Variants in LONRF1 observed in about 807,000 individuals in gnomAD.
LONRF1 encodes LON peptidase N-terminal domain and RING finger protein 1.
LONRF1 carries 37 observed loss-of-function variants against 85.8 expected under a neutral mutation model. That is an observed-to-expected ratio of 0.43 (90% CI 0.33 to 0.57). The LOEUF (loss-of-function observed/expected upper bound fraction) is 0.57. Ranked by LOEUF, LONRF1 falls within the 20% of genes least tolerant of loss-of-function variation. LONRF1 has a pLI of 0.04. For synonymous variants in LONRF1, 517 were observed against 390.1 expected, an observed-to-expected ratio of 1.33 and a Z score of -3.83; for missense variants, 1,036 against 978.0, an observed-to-expected ratio of 1.06 and a Z score of -0.79.
chr8:12,723,126 C>A lies in LONRF1; in HGVS notation c.2292G>T (p.Leu764=). 6.2e-7 allele frequency: 1 copy of A among 1,612,670 alleles called. No individual in the cohort carries two copies. Among genetic ancestry groups the A allele is most frequent in the South Asian group, 1.1e-5 (1 of 90,764 alleles). Residue 764 remains leucine (L), a synonymous_variant, in exon 12 of 12, where the codon CTG becomes CTT. Coordinates refer to ENST00000398246, the MANE Select transcript of LONRF1 (RefSeq NM_152271.5). ...TAGATTGGTCTCTAGAAAAATAGGT[C>A]AGTATATGCTGTATCTTGGTCAACC... ...KERLTKIQHI[L]TYFSRDQSK is the part of the protein sequence containing the mutation.
chr8:12,731,585 A>G (rs958848044), intron 8 of LONRF1, 151 bp downstream of exon 8: 8 of 612,420 alleles, frequency 1.3e-5, no homozygotes, highest in Non-Finnish European at 2.2e-5. Flanking sequence ...GTGAACTTTT[A>G]TAAGATTCTG....
At chr8:12,738,702 G>A (rs79570967) in intron 3 of LONRF1, 17 of 152,256 alleles carry the variant, frequency 1.1e-4, no homozygotes, top group African/African-American at 3.4e-4. Context: ...CTATAATAGC[G>A]AGGAAATAAG....
intron 7 of LONRF1, 62 bp from the exon 8 acceptor site, chr8:12,731,919 A>G: frequency 6.8e-7 from 1 of 1,466,954 alleles, no homozygotes; most frequent in Non-Finnish European, 9.4e-7. Flanking sequence ...AACAGGCAAC[A>G]CAGTTAACTG....
At position 12,737,034 on chromosome 8, in the gene LONRF1, C is replaced by G. The variant is rs976360283; in HGVS notation, c.1220G>C (p.Cys407Ser). 3.7e-6 allele frequency: 6 copies of G among 1,613,704 alleles called. No individual in the cohort carries two copies. Among genetic ancestry groups the G allele is most frequent in the Admixed American group, 1.7e-5 (1 of 59,992 alleles). ...AGGTTCTGAGGACACTCTTTTTAAACAGTCCTCTCTGGCAGGCATTTCTGT... is the reference window on the plus strand; with the variant it reads ...AGGTTCTGAGGACACTCTTTTTAAAGAGTCCTCTCTGGCAGGCATTTCTGT... ...NSTEMPARED[C>S]LKRVSSEPVL... is the part of the protein sequence containing the mutation. The change falls in exon 5 of 12, where the codon TGT becomes TCT. Residue 407 changes from cysteine to serine, a missense_variant. By Grantham distance (112) the Cys-to-Ser change is moderately radical (BLOSUM62 -1). Coordinates refer to ENST00000398246, the MANE Select transcript of LONRF1 (RefSeq NM_152271.5).
intron 11 of LONRF1, among the ~76,000 whole-genome samples, chr8:12,724,693 A>C (rs1806088019): frequency 6.6e-6 from 1 of 152,220 alleles, no homozygotes; most frequent in Non-Finnish European, 1.5e-5. Context: ...TTTTTCTATA[A>C]GCTGTTTTGT....
At chr8:12,741,023 CT>C in intron 2 of LONRF1, 27 bp from the exon 3 acceptor site, 7 of 1,607,004 alleles carry the variant, frequency 4.4e-6, no homozygotes, top group Non-Finnish European at 5.9e-6. Flanking sequence ...TATATAAAAC[CT>C]TTGTGTTAAG....
In LONRF1 at chr8:12,729,082, T is replaced by G; in HGVS notation, c.1848-19A>C. ...TGCAAAACTAAAAGAAAACCTTGAT[T>G]AGTAACAAAGTTGAAACATAAACAT... On this transcript the variant is annotated intron_variant, in intron 9 of 11. Transcript: ENST00000398246. 6.2e-7 allele frequency: 1 copy of G among 1,613,038 alleles called. No individual in the cohort carries two copies. Among genetic ancestry groups the G allele is most frequent in the Non-Finnish European group, 8.5e-7 (1 of 1,179,308 alleles).
intron 10 of LONRF1, 133 bp downstream of exon 10, chr8:12,728,768 G>A: frequency 2.1e-6 from 2 of 950,426 alleles, no homozygotes; most frequent in Non-Finnish European, 3.2e-6. Flanking sequence ...GTAACTTGGA[G>A]CACATTCTCA....
chr8:12,751,907 G>A (rs1359345098), intron 1 of LONRF1, among the ~76,000 whole-genome samples: 1 of 152,102 alleles, frequency 6.6e-6, no homozygotes, highest in Non-Finnish European at 1.5e-5. Flanking sequence ...TAAAAAGACA[G>A]AAAGTTATGA....
intron 11 of LONRF1, among the ~76,000 whole-genome samples, chr8:12,724,441 C>G (rs1335190085): frequency 6.6e-6 from 1 of 152,180 alleles, no homozygotes. Flanking sequence ...TGCAGGATCT[C>G]TGGTGGCAGA....
At chr8:12,739,356 A>C (rs888169155) in intron 3 of LONRF1, among the ~76,000 whole-genome samples, 8 of 151,742 alleles carry the variant, frequency 5.3e-5, no homozygotes, top group Admixed American at 1.3e-4. Context: ...AAAAAAAAAA[A>C]AAACAAACCC....
rs999137693 is a variant in LONRF1, at chr8:12,722,912, C to G, written c.*184G>C. Reference sequence around the variant, plus strand: ...CAATGCGTGTTTTTCTGTGCAAGTTCTTAGTGGTCTAAATCCTAGTTGAAG... The same window carrying G: ...CAATGCGTGTTTTTCTGTGCAAGTTGTTAGTGGTCTAAATCCTAGTTGAAG... On this transcript the variant is annotated 3_prime_UTR_variant, in exon 12 of 12. Coordinates refer to ENST00000398246, the MANE Select transcript of LONRF1 (RefSeq NM_152271.5). The G allele has an allele frequency of 2.3e-5, 13 of 553,602 alleles. No individual in the cohort carries two copies. The highest frequency in any genetic ancestry group is 2.3e-4 in the African/African-American group (12 of 53,088). 34.3% of individuals were successfully genotyped at this position (553,602 alleles called of 1,614,324 possible). A position where few individuals can be genotyped will look rare whatever the true frequency, so the allele number is the denominator to read the frequency against.
chr8:12,736,597 C>A, intron 6 of LONRF1, 104 bp downstream of exon 6: 1 of 760,298 alleles, frequency 1.3e-6, no homozygotes, highest in East Asian at 3.0e-5. Flanking sequence ...ATTTTTATTC[C>A]AGCATTGTGT....
intron 1 of LONRF1, among the ~76,000 whole-genome samples, chr8:12,750,151 A>C (rs1345031475): frequency 2.0e-5 from 3 of 152,226 alleles, no homozygotes; most frequent in Non-Finnish European, 2.9e-5. Context: ...TACATCTGTG[A>C]ATTAGGGATA....
intron 11 of LONRF1, among the ~76,000 whole-genome samples, chr8:12,723,876 G>A (rs916072905): frequency 6.6e-6 from 1 of 152,172 alleles, no homozygotes; most frequent in Non-Finnish European, 1.5e-5. Flanking sequence ...GTTCAAAAAA[G>A]AAACATATCT....
At chr8:12,730,930 A>C (rs1246395401) in intron 8 of LONRF1, among the ~76,000 whole-genome samples, 1 of 152,230 alleles carries the variant, frequency 6.6e-6, no homozygotes, top group African/African-American at 2.4e-5. Context: ...TTGTTAAATA[A>C]AACAGCATAT....
At chr8:12,742,338 T>C (rs77885679) in intron 2 of LONRF1, among the ~76,000 whole-genome samples, 3,848 of 152,298 alleles carry the variant, frequency 0.025, 94 homozygotes, top group South Asian at 0.12. Context: ...AAGAACACAT[T>C]TGGACTAATT....
At chr8:12,733,184 C>A (rs1213034031) in intron 7 of LONRF1, among the ~76,000 whole-genome samples, 1 of 152,100 alleles carries the variant, frequency 6.6e-6, no homozygotes, top group Non-Finnish European at 1.5e-5. Flanking sequence ...AGTATATACA[C>A]AGATAATAAG....
chr8:12,754,436 C>A, intron 1 of LONRF1: 1 of 322,306 alleles, frequency 3.1e-6, no homozygotes. Flanking sequence ...ACAGCCAGGC[C>A]GCGGCCGAGG....
Sources: allele counts gnomAD v4.1 joint callset (sites outside exome capture counted in the v4.1 genomes callset), GRCh38; gene constraint gnomAD v4.1.1; transcripts MANE v1.5; gene names NCBI Gene and HGNC (gene_info 2026-07-23, HGNC 2026-07-21).